The following VAMP7 variants were observed in gnomAD, a reference collection of about 807,000 sequenced individuals.
VAMP7 encodes vesicle associated membrane protein 7.
In VAMP7, 14 loss-of-function variants were observed where a neutral mutation model predicts 29.6. The ratio of observed to expected loss-of-function variants is 0.47; its 90% CI spans 0.31 to 0.74. The LOEUF (loss-of-function observed/expected upper bound fraction) is 0.74. Ranked by LOEUF, VAMP7 falls within the 30% of genes least tolerant of loss-of-function variation. VAMP7 has a pLI of 0.05. For synonymous variants in VAMP7, 95 were observed against 88.1 expected, an observed-to-expected ratio of 1.08 and a Z score of -0.44; for missense variants, 223 against 262.4, an observed-to-expected ratio of 0.85 and a Z score of 1.04.
chrX:155,888,014 G>A (rs1410925142), intron 1 of VAMP7, among the ~76,000 whole-genome samples: 1 of 151,256 alleles, frequency 6.6e-6, no homozygotes, highest in East Asian at 1.9e-4. Flanking sequence ...GGGAGATAAA[G>A]TATAAGACAG....
intron 2 of VAMP7, among the ~76,000 whole-genome samples, chrX:155,894,392 A>G (rs1380525404): frequency 7.0e-6 from 1 of 143,420 alleles, no homozygotes; most frequent in African/African-American, 2.6e-5. Context: ...ATGTTTATTC[A>G]TTATTCTTAG....
chrX:155,929,632 T>A (rs2066518990), intron 6 of VAMP7, among the ~76,000 whole-genome samples: 1 of 152,132 alleles, frequency 6.6e-6, no homozygotes, highest in Non-Finnish European at 1.5e-5. Context: ...TAGATATAAG[T>A]TTATCCCATG....
At chrX:155,915,589 A>T (rs2066300346) in intron 5 of VAMP7, among the ~76,000 whole-genome samples, 1 of 152,110 alleles carries the variant, frequency 6.6e-6, no homozygotes, top group South Asian at 2.1e-4. Context: ...GTTTCAAAAA[A>T]CTTATTTATT....
chrX:155,926,112 G>A (rs982037713), intron 6 of VAMP7, among the ~76,000 whole-genome samples: 1 of 151,998 alleles, frequency 6.6e-6, no homozygotes, highest in Non-Finnish European at 1.5e-5. Context: ...AATTCTTACG[G>A]GCCCTAGATT....
intron 6 of VAMP7, among the ~76,000 whole-genome samples, chrX:155,935,899 TGTTA>T (rs2066646142): frequency 1.3e-5 from 2 of 152,212 alleles, no homozygotes; most frequent in Admixed American, 1.3e-4. Context: ...CCTTTCTGTT[TGTTA>T]GTTTTCCTTC....
At chrX:155,884,329 G>A (rs1268375773) in intron 1 of VAMP7, among the ~76,000 whole-genome samples, 1 of 150,754 alleles carries the variant, frequency 6.6e-6, no homozygotes, top group Non-Finnish European at 1.5e-5. Flanking sequence ...GTTTCTCCAT[G>A]TTGGTCAGGC....
intron 5 of VAMP7, among the ~76,000 whole-genome samples, chrX:155,901,963 A>C (rs1441611691): frequency 6.6e-6 from 1 of 152,094 alleles, no homozygotes; most frequent in Admixed American, 6.6e-5. Flanking sequence ...TACCTTGGGC[A>C]GTATGGCCAT....
At chrX:155,936,383 C>G (rs2066656430) in intron 6 of VAMP7, among the ~76,000 whole-genome samples, 1 of 152,214 alleles carries the variant, frequency 6.6e-6, no homozygotes, top group South Asian at 2.1e-4. Context: ...TTTACCTACT[C>G]AAGCCTCAGC....
intron 5 of VAMP7, among the ~76,000 whole-genome samples, chrX:155,912,109 T>C (rs1359539895): frequency 2.6e-5 from 4 of 152,124 alleles, no homozygotes; most frequent in African/African-American, 9.7e-5. Flanking sequence ...CGTATGATGT[T>C]AGCTGTGGGT....
rs891287769 is a variant in VAMP7, at chrX:155,939,629, T to A, written c.502-72T>A. Reference sequence around the variant, plus strand: ...AAATGGAATTAATGGAAGTAAAATGTTCTCAGGTTGTTACTGCAAATCATT... The same window carrying A: ...AAATGGAATTAATGGAAGTAAAATGATCTCAGGTTGTTACTGCAAATCATT... On this transcript the variant is annotated intron_variant, in intron 6 of 7. Coordinates refer to ENST00000286448, the MANE Select transcript of VAMP7 (RefSeq NM_005638.6). The A allele has an allele frequency of 3.2e-5, 34 of 1,074,022 alleles. No homozygotes were observed. The African/African-American group carries it at 5.1e-4, about 16-fold the overall frequency. The allele number at this position is 1,074,022 out of a possible 1,614,324, so 66.5% of individuals were successfully genotyped here.
intron 5 of VAMP7, among the ~76,000 whole-genome samples, chrX:155,917,433 A>G (rs1246733236): frequency 1.3e-5 from 2 of 152,068 alleles, no homozygotes; most frequent in African/African-American, 2.4e-5. Context: ...GTTTTTCCTC[A>G]TCTTCATGGA....
chrX:155,937,015 T>C (rs1603024188), intron 6 of VAMP7, among the ~76,000 whole-genome samples: 1 of 152,258 alleles, frequency 6.6e-6, no homozygotes, highest in East Asian at 1.9e-4. Flanking sequence ...GAAGAATCAA[T>C]ATTATTAAAA....
intron 6 of VAMP7, among the ~76,000 whole-genome samples, chrX:155,932,600 T>C (rs2066578232): frequency 6.6e-6 from 1 of 152,136 alleles, no homozygotes; most frequent in South Asian, 2.1e-4. Flanking sequence ...CTTAAGGAGA[T>C]TTTGGGCTGA....
chrX:155,916,527 A>G (rs1379777530), intron 5 of VAMP7, among the ~76,000 whole-genome samples: 1 of 152,166 alleles, frequency 6.6e-6, no homozygotes, highest in Non-Finnish European at 1.5e-5. Flanking sequence ...TGCTTCCTTC[A>G]GGACCTCTTG....
At chrX:155,939,166 T>C (rs2066706988) in intron 6 of VAMP7, among the ~76,000 whole-genome samples, 1 of 152,168 alleles carries the variant, frequency 6.6e-6, no homozygotes, top group Non-Finnish European at 1.5e-5. Context: ...TTTAAACTCC[T>C]TGTGTCCTGG....
chrX:155,900,941 T>TA (rs1299429938), intron 5 of VAMP7, among the ~76,000 whole-genome samples: 1 of 152,082 alleles, frequency 6.6e-6, no homozygotes, highest in African/African-American at 2.4e-5. Context: ...CATAGGTTCT[T>TA]TAGCACAGTG....
At chrX:155,897,215 C>T (rs886977776) in intron 3 of VAMP7, among the ~76,000 whole-genome samples, 6 of 152,032 alleles carry the variant, frequency 3.9e-5, no homozygotes, top group Admixed American at 6.6e-5. Flanking sequence ...TATAAGTTAA[C>T]GATTGATAAA....
At position 155,889,477 on chromosome X, in the gene VAMP7, T is replaced by C; in HGVS notation, c.11T>C (p.Leu4Pro). 1.9e-6 allele frequency: 3 copies of C among 1,613,656 alleles called. No homozygotes were observed. Among genetic ancestry groups the C allele is most frequent in the Non-Finnish European group, 2.5e-6 (3 of 1,179,720 alleles). Residue 4 changes from leucine (L) to proline (P), a missense_variant, in exon 2 of 8, where the codon CTT (leucine) becomes CCT (proline). Coordinates refer to ENST00000286448, the MANE Select transcript of VAMP7 (RefSeq NM_005638.6). The part of the protein sequence containing the change: MAI[L>P]FAVVARGTTI... ...TGATAGACTGAAGCCATGGCGATTC[T>C]TTTTGCTGTTGTTGCCAGGGGGACC...
chrX:155,927,578 TG>T (rs1397903652), intron 6 of VAMP7, among the ~76,000 whole-genome samples: 3 of 408 alleles, frequency 7.4e-3, no homozygotes, highest in African/African-American at 0.027. Context: ...TGTCCTTTAT[TG>T]TTTTCCTGCA....
Sources: allele counts gnomAD v4.1 joint callset (sites outside exome capture counted in the v4.1 genomes callset), GRCh38; gene constraint gnomAD v4.1.1; transcripts MANE v1.5; gene names NCBI Gene and HGNC (gene_info 2026-07-23, HGNC 2026-07-21).